The following CTNNA1 variants were observed in gnomAD, a reference collection of about 807,000 sequenced individuals.
CTNNA1 encodes catenin alpha-1.
A neutral mutation model predicts 98.4 loss-of-function variants in CTNNA1; 37 were observed. The observed-to-expected ratio is 0.38, with a 90% confidence interval of 0.29 to 0.49. CTNNA1 has a LOEUF of 0.49. Among genes scored for constraint, CTNNA1 ranks in the 20% least tolerant of loss-of-function variants. The pLI, the probability that CTNNA1 is intolerant of heterozygous loss-of-function variation, is 0.95. For missense variants in CTNNA1, 761 were observed against 1,147.2 expected (o/e 0.66, Z 4.86); for synonymous variants, 404 against 413.2 (o/e 0.98, Z 0.27).
chr5:138,860,131 T>C (rs1016591983), intron 7 of CTNNA1, among the ~76,000 whole-genome samples: 4 of 152,180 alleles, frequency 2.6e-5, no homozygotes, highest in Non-Finnish European at 5.9e-5. Context: ...CTGAAATAAT[T>C]GATGAATAAA....
Position 138,874,790 on chromosome 5 carries a change from TA to T in CTNNA1, c.1063-11419del. ...GTCATCATCGATATATGCTTTTACC[TA>T]AACCTCAAAATCCAAAATATGATGG... On this transcript the variant is annotated intron_variant, in intron 7 of 17. Coordinates refer to ENST00000302763, the MANE Select transcript of CTNNA1 (RefSeq NM_001903.5). This position sits in a 1 kb window ranked among gnomAD's most constrained non-coding sequence, Gnocchi z 4.1. 9.5e-7 allele frequency: 1 copy of T among 1,058,146 alleles called. No homozygotes were observed. The highest frequency in any genetic ancestry group is 1.4e-6 in the Non-Finnish European group (1 of 706,222). 65.5% of individuals were successfully genotyped at this position (1,058,146 alleles called of 1,614,324 possible).
At chr5:138,921,557 T>C (rs2150261347) in intron 11 of CTNNA1, among the ~76,000 whole-genome samples, 1 of 152,010 alleles carries the variant, frequency 6.6e-6, no homozygotes, top group Admixed American at 6.5e-5. Flanking sequence ...ATAGACAGTT[T>C]CTCTCTTTGG....
chr5:138,888,245 A>T (rs947009143), intron 9 of CTNNA1, among the ~76,000 whole-genome samples: 2 of 152,232 alleles, frequency 1.3e-5, no homozygotes, highest in African/African-American at 4.8e-5. Context: ...GGGTGGCAAG[A>T]AGAAAGAGTG....
At chr5:138,930,733 A>C in intron 15 of CTNNA1, 79 bp downstream of exon 15, 1 of 1,552,640 alleles carries the variant, frequency 6.4e-7, no homozygotes, top group Non-Finnish European at 8.9e-7. Context: ...CGGCTCAGAC[A>C]GCCCAGGCCA....
intron 9 of CTNNA1, among the ~76,000 whole-genome samples, chr5:138,889,535 G>A (rs1445547981): frequency 1.3e-5 from 2 of 152,142 alleles, no homozygotes; most frequent in Non-Finnish European, 2.9e-5. Context: ...TTGAGTGGGC[G>A]AGGAAGTATT....
intron 3 of CTNNA1, among the ~76,000 whole-genome samples, chr5:138,783,618 A>C (rs1276394633): frequency 3.3e-5 from 5 of 152,204 alleles, no homozygotes; most frequent in African/African-American, 7.2e-5. Context: ...TTTAATCATG[A>C]GAGATGCTTG....
intron 3 of CTNNA1, among the ~76,000 whole-genome samples, chr5:138,797,486 G>C (rs1757099174): frequency 6.6e-6 from 1 of 152,144 alleles, no homozygotes. Flanking sequence ...ATACCTGGGT[G>C]GGGGCAGATT....
intron 6 of CTNNA1, among the ~76,000 whole-genome samples, chr5:138,825,408 C>G (rs1056005337): frequency 4.8e-5 from 7 of 145,744 alleles, no homozygotes; most frequent in African/African-American, 1.5e-4. Flanking sequence ...TTAAGGTTAA[C>G]TTTTTGGTGG....
intron 4 of CTNNA1, among the ~76,000 whole-genome samples, chr5:138,811,005 G>T (rs1390120018): frequency 2.1e-4 from 32 of 151,798 alleles, no homozygotes; most frequent in Non-Finnish European, 3.7e-4. Flanking sequence ...GGGGCGGCTG[G>T]CCTGGCGGGG....
intron 10 of CTNNA1, among the ~76,000 whole-genome samples, chr5:138,915,249 A>G (rs1200747606): frequency 6.6e-6 from 1 of 152,008 alleles, no homozygotes; most frequent in African/African-American, 2.4e-5. Flanking sequence ...TTTTCATACT[A>G]CTCTCATTAT....
intron 5 of CTNNA1, among the ~76,000 whole-genome samples, chr5:138,813,278 C>G (rs1275052667): frequency 6.6e-6 from 1 of 152,200 alleles, no homozygotes; most frequent in Non-Finnish European, 1.5e-5. Context: ...CATAATATGT[C>G]CAGTGAGAAC....
intron 3 of CTNNA1, among the ~76,000 whole-genome samples, chr5:138,799,136 G>A (rs1036365278): frequency 1.5e-4 from 23 of 151,866 alleles, no homozygotes; most frequent in Admixed American, 1.2e-3. Flanking sequence ...CTCCCAAAGT[G>A]CTGAGCCATC....
chr5:138,800,592 C>T (rs560156817), intron 3 of CTNNA1, among the ~76,000 whole-genome samples: 3 of 151,980 alleles, frequency 2.0e-5, no homozygotes, highest in Admixed American at 6.5e-5. Flanking sequence ...GTCAGGAGTT[C>T]GAGACCAGCC....
chr5:138,807,519 A>C (rs1267660827), intron 3 of CTNNA1, among the ~76,000 whole-genome samples: 2 of 151,870 alleles, frequency 1.3e-5, no homozygotes, highest in African/African-American at 4.8e-5. Flanking sequence ...TTTCTTTCTT[A>C]CAGCTTGTAT....
intron 1 of CTNNA1, among the ~76,000 whole-genome samples, chr5:138,757,214 G>A (rs549959885): frequency 4.6e-5 from 7 of 151,830 alleles, no homozygotes; most frequent in African/African-American, 1.7e-4. Flanking sequence ...GAAAAAAAGG[G>A]AGGAAGGGAG....
At chr5:138,876,103 C>T (rs1192577599) in intron 7 of CTNNA1, among the ~76,000 whole-genome samples, 1 of 152,206 alleles carries the variant, frequency 6.6e-6, no homozygotes, top group African/African-American at 2.4e-5. Context: ...TTTTAATGCA[C>T]ATGCCCTAAC....
intron 7 of CTNNA1, among the ~76,000 whole-genome samples, chr5:138,885,308 C>G (rs1326662991): frequency 6.6e-6 from 1 of 152,110 alleles, no homozygotes; most frequent in Admixed American, 6.5e-5. Context: ...TTCCTTTGTT[C>G]ATTTGTATCT....
At chr5:138,910,974 T>C (rs935429140) in intron 10 of CTNNA1, among the ~76,000 whole-genome samples, 2 of 152,168 alleles carry the variant, frequency 1.3e-5, no homozygotes, top group African/African-American at 4.8e-5. Flanking sequence ...CGCAGTGCCT[T>C]ACACCTATAA....
chr5:138,854,746 T>C (rs932469887), intron 7 of CTNNA1, among the ~76,000 whole-genome samples: 2 of 152,234 alleles, frequency 1.3e-5, no homozygotes, highest in South Asian at 4.1e-4. Context: ...TTTCCCCTTA[T>C]TCTCTGTAGA....
Sources: allele counts gnomAD v4.1 joint callset (sites outside exome capture counted in the v4.1 genomes callset), GRCh38; gene constraint gnomAD v4.1.1; non-coding constraint Gnocchi (gnomAD v3.1); transcripts MANE v1.5; gene names NCBI Gene and HGNC (gene_info 2026-07-23, HGNC 2026-07-21).